FOXN3: variants seen among roughly 807,000 people sequenced by gnomAD.
The protein encoded by FOXN3 is forkhead box N3.
FOXN3 carries 7 observed loss-of-function variants against 38.4 expected under a neutral mutation model. That is an observed-to-expected ratio of 0.18 (90% CI 0.10 to 0.34). The LOEUF is 0.34. Ranked by LOEUF, FOXN3 falls within the 10% of genes least tolerant of loss-of-function variation. The probability of loss-of-function intolerance (pLI) is 1.00; values close to 1 mark genes in which losing one functional copy is unlikely to be tolerated. For missense variants in FOXN3, 456 were observed against 613.4 expected (o/e 0.74, Z 2.71); for synonymous variants, 230 against 242.2 (o/e 0.95, Z 0.47).
chr14:89,250,478 C>A (rs1885422053), intron 4 of FOXN3, among the ~76,000 whole-genome samples: 1 of 152,172 alleles, frequency 6.6e-6, no homozygotes, highest in Non-Finnish European at 1.5e-5. Context: ...CATGTGATAG[C>A]AATGGAACAA....
chr14:89,243,007 A>C (rs1481022231), intron 4 of FOXN3, among the ~76,000 whole-genome samples: 2 of 152,120 alleles, frequency 1.3e-5, no homozygotes, highest in Non-Finnish European at 2.9e-5. Context: ...TTCTTCCCCG[A>C]GTCCTGCCCC....
At position 89,549,961 on chromosome 14, in the gene FOXN3, C is replaced by T. The variant is rs148369975; in HGVS notation, c.-15+69067G>A. Among the ~76,000 whole-genome samples the T allele has an allele frequency of 5.5e-3, 842 of 152,328 alleles. 10 individuals carry two copies. Among genetic ancestry groups the T allele is most frequent in the Admixed American group, 0.015 (234 of 15,296 alleles). On this transcript the variant is annotated intron_variant, in intron 1 of 6. Coordinates refer to the FOXN3 transcript ENST00000345097. ...TTTCTTTCTGGCAGGCCGGCTAATG[C>T]TCCTTCAGTGCGATGCCTGTGAGCC...
chr14:89,362,481 CACCACCACCACCACCA>C (rs1174438809), intron 2 of FOXN3, among the ~76,000 whole-genome samples: 1 of 2,922 alleles, frequency 3.4e-4, no homozygotes, highest in African/African-American at 5.3e-4. Flanking sequence ...CCACCACCAC[CACCACCACCACCACCA>C]TCTCCACCAC....
At chr14:89,604,937 T>C (rs1404988420) in intron 1 of FOXN3, among the ~76,000 whole-genome samples, 1 of 152,064 alleles carries the variant, frequency 6.6e-6, no homozygotes, top group Non-Finnish European at 1.5e-5. Flanking sequence ...AAATATATTG[T>C]ATACCTAGCA....
At chr14:89,496,729 C>T (rs1893690706) in intron 1 of FOXN3, among the ~76,000 whole-genome samples, 1 of 152,068 alleles carries the variant, frequency 6.6e-6, no homozygotes, top group African/African-American at 2.4e-5. Context: ...GACATGCAAC[C>T]ATCACCACCA....
intron 4 of FOXN3, among the ~76,000 whole-genome samples, chr14:89,257,116 G>C (rs1443820765): frequency 6.6e-6 from 1 of 152,128 alleles, no homozygotes; most frequent in East Asian, 1.9e-4. Flanking sequence ...AGTCCCCCAG[G>C]GCTAGGGCAG....
At chr14:89,417,601 GGC>G (rs1891786119), upstream of FOXN3, 1 of 404,924 alleles carries the variant, frequency 2.5e-6, no homozygotes, top group African/African-American at 2.1e-5. Flanking sequence ...CTGCGCTGCT[GGC>G]AACGTGTCGC....
At chr14:89,558,040 A>G (rs1455335734) in intron 1 of FOXN3, among the ~76,000 whole-genome samples, 1 of 152,160 alleles carries the variant, frequency 6.6e-6, no homozygotes, top group Non-Finnish European at 1.5e-5. Context: ...AGAATTAGGT[A>G]CTAAGCCAAT....
Position 89,487,321 on chromosome 14 carries a change from AG to A in FOXN3, c.-14-74832del, listed in dbSNP as rs1893468549. On this transcript the variant is annotated intron_variant, in intron 1 of 6. Transcript: ENST00000345097. Reference sequence around the variant, plus strand: ...CAAATCAACGAACTCTCTAATGAAAAGAATGGCATTAGCCTACGCGCTGTAG... The same window carrying A: ...CAAATCAACGAACTCTCTAATGAAAAAATGGCATTAGCCTACGCGCTGTAG... 1.3e-5 allele frequency among the ~76,000 whole-genome samples: 2 copies of A among 152,262 alleles called. 1 individual carries two copies. Among genetic ancestry groups the A allele is most frequent in the East Asian group, 3.8e-4 (2 of 5,206 alleles).
chr14:89,283,834 G>C (rs1241037623), intron 3 of FOXN3, among the ~76,000 whole-genome samples: 1 of 152,128 alleles, frequency 6.6e-6, no homozygotes, highest in African/African-American at 2.4e-5. Flanking sequence ...TAATTCTGCA[G>C]GGTGAGCAGG....
intron 1 of FOXN3, among the ~76,000 whole-genome samples, chr14:89,425,236 A>G (rs557641503): frequency 1.7e-4 from 26 of 151,632 alleles, no homozygotes; most frequent in African/African-American, 6.0e-4. Context: ...ATACCCAGCT[A>G]TTGTTTGTAT....
At chr14:89,367,384 A>G (rs1890190524) in intron 2 of FOXN3, among the ~76,000 whole-genome samples, 1 of 152,212 alleles carries the variant, frequency 6.6e-6, no homozygotes, top group South Asian at 2.1e-4. Context: ...CCCGGCTCCA[A>G]AGATAAATCC....
intron 2 of FOXN3, among the ~76,000 whole-genome samples, chr14:89,366,043 A>G (rs944528497): frequency 1.3e-5 from 2 of 152,084 alleles, no homozygotes; most frequent in Non-Finnish European, 2.9e-5. Context: ...CGAGGTCAGG[A>G]GATTGAGACC....
chr14:89,173,472 T>A (rs1287017749), intron 5 of FOXN3, among the ~76,000 whole-genome samples: 2 of 152,334 alleles, frequency 1.3e-5, no homozygotes, highest in East Asian at 3.9e-4. Context: ...CTTAAATGAA[T>A]CTGAGACATG....
intron 3 of FOXN3, among the ~76,000 whole-genome samples, chr14:89,348,800 C>A (rs3825666): frequency 0.55 from 83,506 of 151,990 alleles, 23,260 homozygotes; most frequent in Admixed American, 0.62. Flanking sequence ...CAAATGAAGT[C>A]ATTAAGCTAA....
chr14:89,338,873 G>GGCACATTGCACA (rs1888538212), intron 3 of FOXN3, among the ~76,000 whole-genome samples: 2 of 152,208 alleles, frequency 1.3e-5, no homozygotes, highest in South Asian at 4.1e-4. Context: ...TTAAAAGACA[G>GGCACATTGCACA]TGGCAATGGT....
In FOXN3 at chr14:89,480,481, T is replaced by C. The variant is rs1893304244; in HGVS notation, c.-14-67991A>G. 1.3e-5 allele frequency among the ~76,000 whole-genome samples: 2 copies of C among 152,096 alleles called. 1 individual carries two copies. Among genetic ancestry groups the C allele is most frequent in the South Asian group, 4.1e-4 (2 of 4,836 alleles). On this transcript the variant is annotated intron_variant, in intron 1 of 6. Transcript: ENST00000345097. ...GTGTTGACTTTTACACCCTATAACC[T>C]GGCCAGCTGGCTCTGTGTCTCAAAG...
chr14:89,262,451 C>A (rs535680453), intron 4 of FOXN3, among the ~76,000 whole-genome samples: 1 of 152,252 alleles, frequency 6.6e-6, no homozygotes, highest in South Asian at 2.1e-4. Flanking sequence ...TACCTTGTTC[C>A]AAGAAAACAA....
chr14:89,394,041 G>A (rs925528551), intron 2 of FOXN3, among the ~76,000 whole-genome samples: 1 of 152,014 alleles, frequency 6.6e-6, no homozygotes, highest in Non-Finnish European at 1.5e-5. Context: ...GGAAGTGGAA[G>A]GGCAAAGAGG....
Sources: allele counts gnomAD v4.1 joint callset (sites outside exome capture counted in the v4.1 genomes callset), GRCh38; gene constraint gnomAD v4.1.1; transcripts MANE v1.5; gene names NCBI Gene and HGNC (gene_info 2026-07-23, HGNC 2026-07-21).